LOC128462377: variants seen among roughly 807,000 people sequenced by gnomAD.
the LOC128462377 span, among the ~76,000 whole-genome samples, chr16:89,339,355 GCAAA>G: frequency 3.4e-3 from 514 of 152,134 alleles, 2 homozygotes; most frequent in African/African-American, 8.7e-3. Context: ...GCTTACACTA[GCAAA>G]CAAACAAACA....
At chr16:89,324,549 G>A in the LOC128462377 span, 3 of 455,850 alleles carry the variant, frequency 6.6e-6, no homozygotes, top group Admixed American at 7.1e-5. Flanking sequence ...CAGTGGACGG[G>A]GAGAGGCCGA....
the LOC128462377 span, among the ~76,000 whole-genome samples, chr16:89,372,114 C>T: frequency 6.6e-6 from 1 of 152,210 alleles, no homozygotes. Context: ...ACCCGGCCCT[C>T]GCATGCACAC....
At chr16:89,367,506 A>AC in the LOC128462377 span, among the ~76,000 whole-genome samples, 1 of 152,068 alleles carries the variant, frequency 6.6e-6, no homozygotes. Context: ...TGCCATGGTC[A>AC]CCCACGCTCC....
At chr16:89,377,866 C>T in the LOC128462377 span, among the ~76,000 whole-genome samples, 1 of 152,070 alleles carries the variant, frequency 6.6e-6, no homozygotes, top group Admixed American at 6.6e-5. Context: ...CTTCCACCCC[C>T]GCCCCATGAG....
the LOC128462377 span, chr16:89,324,370 C>T: frequency 1.3e-5 from 11 of 868,192 alleles, no homozygotes; most frequent in Admixed American, 7.0e-5. Flanking sequence ...GCCAGGAGGG[C>T]GGCACGTGGG....
chr16:89,356,378 T>A, the LOC128462377 span, among the ~76,000 whole-genome samples: 3 of 151,982 alleles, frequency 2.0e-5, no homozygotes, highest in East Asian at 5.8e-4. Flanking sequence ...CAACCCTGCC[T>A]AGATGATGAC....
chr16:89,383,873 G>A, the LOC128462377 span, among the ~76,000 whole-genome samples: 1 of 152,186 alleles, frequency 6.6e-6, no homozygotes, highest in African/African-American at 2.4e-5. Flanking sequence ...CCAAGCTCCA[G>A]TCATACCTCT....
chr16:89,326,517 G>A, the LOC128462377 span, among the ~76,000 whole-genome samples: 1 of 152,140 alleles, frequency 6.6e-6, no homozygotes, highest in Non-Finnish European at 1.5e-5. Context: ...GGCCAAGGCA[G>A]GGGGGTCATT....
the LOC128462377 span, among the ~76,000 whole-genome samples, chr16:89,322,941 T>G: frequency 1.3e-5 from 2 of 152,344 alleles, no homozygotes; most frequent in Non-Finnish European, 2.9e-5. Context: ...CCTCCTGGGC[T>G]CAAGCTATCC....
At chr16:89,375,929 T>C in the LOC128462377 span, among the ~76,000 whole-genome samples, 2 of 152,214 alleles carry the variant, frequency 1.3e-5, no homozygotes, top group African/African-American at 4.8e-5. Flanking sequence ...GTTGTGACTT[T>C]AGGAAAAGCT....
chr16:89,415,799 G>A, the LOC128462377 span, among the ~76,000 whole-genome samples: 1 of 117,102 alleles, frequency 8.5e-6, no homozygotes, highest in Non-Finnish European at 1.8e-5. Flanking sequence ...CTACACTCCA[G>A]GCCCTGCACA....
chr16:89,369,364 T>C, the LOC128462377 span, among the ~76,000 whole-genome samples: 3 of 152,196 alleles, frequency 2.0e-5, no homozygotes, highest in Non-Finnish European at 4.4e-5. Flanking sequence ...CATCAGCTGA[T>C]GGGTGCATGA....
At chr16:89,346,014 G>C in the LOC128462377 span, among the ~76,000 whole-genome samples, 1 of 152,108 alleles carries the variant, frequency 6.6e-6, no homozygotes, top group African/African-American at 2.4e-5. Flanking sequence ...GGCCAAAGCA[G>C]GCGGATCACT....
the LOC128462377 span, among the ~76,000 whole-genome samples, chr16:89,390,873 C>G: frequency 6.6e-6 from 1 of 152,172 alleles, no homozygotes; most frequent in African/African-American, 2.4e-5. Context: ...TTGCAAAATC[C>G]TTTCCACGAC....
chr16:89,416,505 G>T, the LOC128462377 span, among the ~76,000 whole-genome samples: 1 of 152,120 alleles, frequency 6.6e-6, no homozygotes, highest in Non-Finnish European at 1.5e-5. Flanking sequence ...CACCATGTTG[G>T]CAGGCTGGTC....
chr16:89,337,946 TGAG>T, the LOC128462377 span, among the ~76,000 whole-genome samples: 1 of 152,188 alleles, frequency 6.6e-6, no homozygotes, highest in Non-Finnish European at 1.5e-5. Context: ...CTGCTGAGCA[TGAG>T]GGTCCAGCTT....
the LOC128462377 span, among the ~76,000 whole-genome samples, chr16:89,341,376 T>C: frequency 6.6e-6 from 1 of 152,236 alleles, no homozygotes; most frequent in Non-Finnish European, 1.5e-5. Context: ...CAGGGCAATC[T>C]GCAGATTCTC....
the LOC128462377 span, among the ~76,000 whole-genome samples, chr16:89,327,051 G>GGGAAATGCAGAGGTT: frequency 1.3e-5 from 2 of 150,650 alleles, no homozygotes; most frequent in Non-Finnish European, 3.0e-5. Context: ...ATGCAGAGGT[G>GGGAAATGCAGAGGTT]GGAAATGCAG....
the LOC128462377 span, chr16:89,412,672 G>A: frequency 6.6e-6 from 1 of 151,856 alleles, no homozygotes; most frequent in African/African-American, 2.4e-5. Context: ...CTAGATCCAG[G>A]CAAAATGTTT....
Sources: gnomAD v4.1 joint callset for allele counts (sites outside exome capture counted in the v4.1 genomes callset) on GRCh38, gnomAD v4.1.1 for gene constraint, MANE v1.5 for transcripts.